The following PDE1A variants were observed in gnomAD, a reference collection of about 807,000 sequenced individuals.
PDE1A encodes the protein phosphodiesterase 1A.
In PDE1A, 35 loss-of-function variants were observed where a neutral mutation model predicts 61.7. The ratio of observed to expected loss-of-function variants is 0.57; its 90% CI spans 0.43 to 0.75. The LOEUF (loss-of-function observed/expected upper bound fraction) is 0.75. PDE1A is among the 30% of genes least tolerant of loss of function. The pLI is 0.00. For missense variants in PDE1A, 597 were observed against 630.6 expected (o/e 0.95, Z 0.57); for synonymous variants, 232 against 213.2 (o/e 1.09, Z -0.77).
intron 1 of PDE1A, among the ~76,000 whole-genome samples, chr2:182,387,310 A>G (rs1299491522): frequency 2.0e-5 from 3 of 152,136 alleles, no homozygotes; most frequent in African/African-American, 7.2e-5. Flanking sequence ...TGCCTAGGAA[A>G]GCCAGAGACC....
chr2:182,372,015 C>G, intron 1 of PDE1A, among the ~76,000 whole-genome samples: 1 of 152,168 alleles, frequency 6.6e-6, no homozygotes, highest in Admixed American at 6.5e-5. Context: ...AAGCTGATCT[C>G]AAACTCCTGA....
At chr2:182,505,568 G>A (rs956696599) in intron 2 of PDE1A, among the ~76,000 whole-genome samples, 3 of 152,236 alleles carry the variant, frequency 2.0e-5, no homozygotes, top group East Asian at 1.9e-4. Context: ...TCACATGTCC[G>A]GTAGTTAACT....
In PDE1A at chr2:182,158,548, G is replaced by A. The variant is rs559914336; in HGVS notation, c.1517-11396C>T. 1.2e-4 allele frequency among the ~76,000 whole-genome samples: 19 copies of A among 152,270 alleles called. No individual in the cohort carries two copies. The East Asian group carries it at 3.5e-3, about 28-fold the overall frequency. On this transcript the variant is annotated intron_variant, in intron 13 of 13. Transcript: ENST00000409365. ...GGAAGGGTAATGTGGGAACACAGGA[G>A]CCTTCTGAATGAATCCCATGTCCAG...
chr2:182,264,881 A>ATATATATATATATATATATG, intron 1 of PDE1A, among the ~76,000 whole-genome samples: 1 of 134,184 alleles, frequency 7.5e-6, no homozygotes, highest in Non-Finnish European at 1.6e-5. Context: ...ATATATACAT[A>ATATATATATATATATATATG]TATATATATA....
At chr2:182,369,407 G>T (rs886794134) in intron 1 of PDE1A, among the ~76,000 whole-genome samples, 16 of 152,194 alleles carry the variant, frequency 1.1e-4, no homozygotes, top group Admixed American at 9.8e-4. Context: ...ATTTAAAATA[G>T]AATTGATTGC....
intron 2 of PDE1A, among the ~76,000 whole-genome samples, chr2:182,446,717 A>T (rs889252533): frequency 2.6e-5 from 4 of 152,094 alleles, no homozygotes; most frequent in African/African-American, 9.7e-5. Context: ...TTAAATATTA[A>T]GTTTATGTGC....
At chr2:182,171,086 T>G (rs1692169863) in intron 13 of PDE1A, among the ~76,000 whole-genome samples, 1 of 152,022 alleles carries the variant, frequency 6.6e-6, no homozygotes, top group Non-Finnish European at 1.5e-5. Flanking sequence ...CATTTTTTTG[T>G]TTCCTACTGA....
the PDE1A span, among the ~76,000 whole-genome samples, chr2:182,677,591 A>G: frequency 6.6e-6 from 1 of 152,216 alleles, no homozygotes; most frequent in Non-Finnish European, 1.5e-5. Context: ...AATACCCAAG[A>G]CAATGCTGAA....
intron 1 of PDE1A, among the ~76,000 whole-genome samples, chr2:182,375,962 G>C (rs1700378925): frequency 6.6e-6 from 1 of 152,194 alleles, no homozygotes; most frequent in African/African-American, 2.4e-5. Context: ...GCCAAAGCTG[G>C]AGTGACTAGG....
intron 1 of PDE1A, among the ~76,000 whole-genome samples, chr2:182,355,365 G>T (rs1358921580): frequency 1.3e-5 from 2 of 151,598 alleles, no homozygotes; most frequent in Non-Finnish European, 2.9e-5. Flanking sequence ...ATTTTCAAAT[G>T]ACTCATATTT....
chr2:182,381,845 A>G (rs1317150947), intron 1 of PDE1A, among the ~76,000 whole-genome samples: 1 of 151,726 alleles, frequency 6.6e-6, no homozygotes, highest in Non-Finnish European at 1.5e-5. Flanking sequence ...AATTATATTA[A>G]CTGAGTTTAA....
rs537573842 is a variant in PDE1A, at chr2:182,474,716, T to C, written c.101+47560A>G. ...AAAAGATAGAATATGAGGACAATTA[T>C]ATATACATAAACCCTAATAAAACTC... On this transcript the variant is annotated intron_variant, in intron 2 of 14. Transcript: ENST00000410103. Among the ~76,000 whole-genome samples, 9 of 152,040 alleles carry C rather than the reference T, an allele frequency of 5.9e-5. No individual in the cohort carries two copies. The South Asian group carries it at 1.9e-3, about 32-fold the overall frequency.
At chr2:182,229,761 T>C (rs1471395680) in intron 6 of PDE1A, among the ~76,000 whole-genome samples, 2 of 135,474 alleles carry the variant, frequency 1.5e-5, no homozygotes, top group African/African-American at 5.8e-5. Flanking sequence ...AAATGTTTGG[T>C]AGTCCAAATT....
chr2:182,434,530 G>A (rs1426896366), intron 2 of PDE1A, among the ~76,000 whole-genome samples: 2 of 152,016 alleles, frequency 1.3e-5, no homozygotes, highest in Non-Finnish European at 2.9e-5. Context: ...AAAGCTAACT[G>A]AAAATGAAGC....
the PDE1A span, among the ~76,000 whole-genome samples, chr2:182,610,614 C>G: frequency 6.6e-6 from 1 of 151,734 alleles, no homozygotes; most frequent in South Asian, 2.1e-4. Flanking sequence ...TAAATTAAAA[C>G]AGTTGAAAAT....
upstream of PDE1A, among the ~76,000 whole-genome samples, chr2:182,431,115 AAAC>A: frequency 9.1e-6 from 1 of 109,662 alleles, no homozygotes; most frequent in East Asian, 4.3e-4. Context: ...ATAAAAAAAA[AAAC>A]ATTAAAAAAA....
intron 1 of PDE1A, among the ~76,000 whole-genome samples, chr2:182,397,647 C>T (rs145662684): frequency 7.9e-5 from 12 of 152,174 alleles, no homozygotes; most frequent in Admixed American, 1.3e-4. Flanking sequence ...AGCAATACAA[C>T]GGTGTCTTTT....
chr2:182,481,036 T>G (rs1347528503), intron 2 of PDE1A, among the ~76,000 whole-genome samples: 2 of 151,904 alleles, frequency 1.3e-5, no homozygotes, highest in African/African-American at 4.8e-5. Flanking sequence ...ATTCTTGCAC[T>G]TCGAGTTTGC....
intron 7 of PDE1A, among the ~76,000 whole-genome samples, chr2:182,219,893 T>C (rs1574761482): frequency 6.6e-6 from 1 of 152,134 alleles, no homozygotes; most frequent in East Asian, 1.9e-4. Context: ...TCATGTTATA[T>C]ACCATAAATG....
Sources: allele counts gnomAD v4.1 joint callset (sites outside exome capture counted in the v4.1 genomes callset), GRCh38; gene constraint gnomAD v4.1.1; transcripts MANE v1.5; gene names NCBI Gene and HGNC (gene_info 2026-07-23, HGNC 2026-07-21).